The following MAP2K4 variants were observed in gnomAD, a reference collection of about 807,000 sequenced individuals.
The protein encoded by MAP2K4 is dual specificity mitogen-activated protein kinase kinase 4.
A neutral mutation model predicts 48.5 loss-of-function variants in MAP2K4; 4 were observed. The ratio of observed to expected loss-of-function variants is 0.08; its 90% CI spans 0.04 to 0.19. MAP2K4 has a LOEUF of 0.19. Ranked by LOEUF, MAP2K4 falls within the 10% of genes least tolerant of loss-of-function variation. The pLI is 1.00. For synonymous variants in MAP2K4, 166 were observed against 173.1 expected (o/e 0.96, Z 0.32); for missense variants, 258 against 493.3 (o/e 0.52, Z 4.52).
At chr17:12,070,323 GATATGAGAGATGTCCAGGAT>G (rs889728951) in intron 2 of MAP2K4, among the ~76,000 whole-genome samples, 2 of 152,124 alleles carry the variant, frequency 1.3e-5, no homozygotes, top group Admixed American at 6.5e-5. Flanking sequence ...AAGATAGGTA[GATATGAGAGATGTCCAGGAT>G]ATTAAACAAG....
At chr17:12,092,869 AC>A (rs2151559137) in intron 3 of MAP2K4, among the ~76,000 whole-genome samples, 1 of 152,178 alleles carries the variant, frequency 6.6e-6, no homozygotes, top group East Asian at 1.9e-4. Flanking sequence ...TACTAAAAAT[AC>A]AAAAAATTAG....
At chr17:12,034,839 C>T (rs1969544631) in intron 1 of MAP2K4, among the ~76,000 whole-genome samples, 1 of 152,168 alleles carries the variant, frequency 6.6e-6, no homozygotes, top group Non-Finnish European at 1.5e-5. Context: ...CTCATGATAA[C>T]TGCTTTCTTG....
In MAP2K4 at chr17:12,068,771, G is replaced by A. The variant is rs116968811; in HGVS notation, c.219-12585G>A. 8.2e-3 allele frequency among the ~76,000 whole-genome samples: 1,197 copies of A among 145,412 alleles called. 7 individuals carry two copies. The highest frequency in any genetic ancestry group is 0.014 in the Non-Finnish European group (915 of 64,370). ...TATATATTATATATATATATAGCGT[G>A]TGTGTATATGTATTTATGTATACAT... is the stretch of plus-strand genomic sequence containing the variant. On this transcript the variant is annotated intron_variant, in intron 2 of 10. Coordinates refer to ENST00000353533, the MANE Select transcript of MAP2K4 (RefSeq NM_003010.4).
chr17:12,100,129 A>T (rs1475410932), intron 4 of MAP2K4, among the ~76,000 whole-genome samples: 1 of 152,202 alleles, frequency 6.6e-6, no homozygotes, highest in East Asian at 1.9e-4. Flanking sequence ...ATGTTTGAAC[A>T]AATGTATACA....
intron 7 of MAP2K4, among the ~76,000 whole-genome samples, chr17:12,118,504 T>A (rs1272947167): frequency 6.6e-6 from 1 of 152,220 alleles, no homozygotes; most frequent in African/African-American, 2.4e-5. Context: ...CAGTGCCTTA[T>A]GCTTATTGCA....
chr17:12,114,828 T>C (rs530278960), intron 7 of MAP2K4, among the ~76,000 whole-genome samples: 112 of 152,314 alleles, frequency 7.4e-4, no homozygotes, highest in African/African-American at 2.6e-3. Flanking sequence ...AAAACAGACT[T>C]TCGTCATTCT....
intron 1 of MAP2K4, among the ~76,000 whole-genome samples, chr17:12,052,507 C>T (rs201733962): frequency 1.3e-5 from 2 of 152,136 alleles, no homozygotes; most frequent in East Asian, 1.9e-4. Context: ...TATTGTTTAT[C>T]TGGTAAGGTT....
chr17:12,054,384 A>G (rs1166388001), intron 1 of MAP2K4, among the ~76,000 whole-genome samples: 4 of 152,118 alleles, frequency 2.6e-5, no homozygotes, highest in Non-Finnish European at 5.9e-5. Context: ...CTTCATGGAA[A>G]TAATTATTTA....
chr17:12,046,365 G>C (rs769457837), intron 1 of MAP2K4, among the ~76,000 whole-genome samples: 1 of 152,112 alleles, frequency 6.6e-6, no homozygotes, highest in Non-Finnish European at 1.5e-5. Flanking sequence ...TTTATATTTT[G>C]TTGGTGATTA....
At chr17:12,023,792 G>C (rs1431136870) in intron 1 of MAP2K4, among the ~76,000 whole-genome samples, 1 of 152,142 alleles carries the variant, frequency 6.6e-6, no homozygotes, top group Non-Finnish European at 1.5e-5. Context: ...TATGCGTTTT[G>C]TGACCAGGGG....
intron 5 of MAP2K4, among the ~76,000 whole-genome samples, chr17:12,108,628 C>T (rs1266131610): frequency 6.6e-6 from 1 of 151,562 alleles, no homozygotes; most frequent in Non-Finnish European, 1.5e-5. Flanking sequence ...CTTAGAAACT[C>T]CTGAGAATCT....
intron 7 of MAP2K4, among the ~76,000 whole-genome samples, chr17:12,121,261 C>T (rs941415473): frequency 5.3e-5 from 8 of 152,210 alleles, no homozygotes; most frequent in African/African-American, 1.7e-4. Flanking sequence ...TGGGTCCCAT[C>T]CCCAAGATAT....
At chr17:12,058,132 G>A (rs1970339364) in intron 2 of MAP2K4, among the ~76,000 whole-genome samples, 1 of 151,338 alleles carries the variant, frequency 6.6e-6, no homozygotes, top group Non-Finnish European at 1.5e-5. Flanking sequence ...TAGGAAGCCT[G>A]GTTCTCTCCA....
chr17:12,124,942 T>A (rs1972807985), intron 7 of MAP2K4: 2 of 218,168 alleles, frequency 9.2e-6, no homozygotes, highest in African/African-American at 4.5e-5. Context: ...CCCAAAGTGC[T>A]GGGATTACGG....
rs71947375 is a variant in MAP2K4, at chr17:12,095,895, T to TTGTGTGTGTGTGTGTG, written c.513+219_513+234dup. Among the ~76,000 whole-genome samples, 139 of 147,394 alleles carry TTGTGTGTGTGTGTGTG rather than the reference T, an allele frequency of 9.4e-4. 1 individual carries two copies. The highest frequency in any genetic ancestry group is 3.4e-3 in the African/African-American group (136 of 39,692). ...GGTAAGGGGTGAATCACACGTGTGT[T>TTGTGTGTGTGTGTGTG]TGTGTGTGTGTGTGTGTGTGTGTGT... On this transcript the variant is annotated intron_variant, in intron 4 of 10. Coordinates refer to ENST00000353533, the MANE Select transcript of MAP2K4 (RefSeq NM_003010.4).
intron 1 of MAP2K4, among the ~76,000 whole-genome samples, chr17:12,048,409 A>G (rs184657706): frequency 6.6e-6 from 1 of 152,350 alleles, no homozygotes; most frequent in East Asian, 1.9e-4. Context: ...TCTTAAACTC[A>G]GAACCATCTA....
intron 3 of MAP2K4, among the ~76,000 whole-genome samples, chr17:12,090,573 T>C (rs1024925490): frequency 1.1e-4 from 16 of 152,142 alleles, no homozygotes; most frequent in South Asian, 4.1e-4. Flanking sequence ...CCTGCCTTCC[T>C]TTGCCACACT....
At chr17:12,125,725 T>C (rs1409460871) in intron 8 of MAP2K4, among the ~76,000 whole-genome samples, 1 of 152,172 alleles carries the variant, frequency 6.6e-6, no homozygotes, top group Admixed American at 6.5e-5. Flanking sequence ...GCTTCTCCCA[T>C]CTCAGGCAAG....
chr17:12,054,058 T>C (rs1327347474), intron 1 of MAP2K4, among the ~76,000 whole-genome samples: 3 of 152,204 alleles, frequency 2.0e-5, no homozygotes, highest in African/African-American at 4.8e-5. Context: ...GTAAGACTTA[T>C]TGATATAGAA....
Sources: allele counts gnomAD v4.1 joint callset (sites outside exome capture counted in the v4.1 genomes callset), GRCh38; gene constraint gnomAD v4.1.1; transcripts MANE v1.5; gene names NCBI Gene and HGNC (gene_info 2026-07-23, HGNC 2026-07-21).